TENM3: variants seen among roughly 807,000 people sequenced by gnomAD.
The protein encoded by TENM3 is teneurin transmembrane protein 3, also known as teneurin-3.
TENM3 carries 63 observed loss-of-function variants against 255.1 expected under a neutral mutation model. The ratio of observed to expected loss-of-function variants is 0.25; its 90% CI spans 0.20 to 0.30. The LOEUF is 0.30. TENM3 is among the 10% of genes least tolerant of loss of function. The pLI, the probability that TENM3 is intolerant of heterozygous loss-of-function variation, is 1.00. For missense variants in TENM3, 2,929 were observed against 3,461.1 expected (o/e 0.85, Z 3.86); for synonymous variants, 1,306 against 1,322.3 (o/e 0.99, Z 0.27).
intron 3 of TENM3, among the ~76,000 whole-genome samples, chr4:182,468,802 A>G (rs1732830024): frequency 6.9e-6 from 1 of 144,728 alleles, no homozygotes; most frequent in Non-Finnish European, 1.5e-5. Context: ...AGTAAATTGA[A>G]AATAAAAAAA....
chr4:182,556,267 C>T (rs539489633), intron 3 of TENM3, among the ~76,000 whole-genome samples: 1 of 152,320 alleles, frequency 6.6e-6, no homozygotes, highest in African/African-American at 2.4e-5. Context: ...GCAATGCACA[C>T]AGGCACTGCT....
chr4:181,773,707 T>C, the TENM3 span, among the ~76,000 whole-genome samples: 2 of 152,158 alleles, frequency 1.3e-5, no homozygotes, highest in Non-Finnish European at 2.9e-5. Context: ...TGTTTAAAAT[T>C]TGTGTGTGTG....
chr4:182,422,147 G>A (rs1317997711), intron 3 of TENM3, among the ~76,000 whole-genome samples: 2 of 152,056 alleles, frequency 1.3e-5, no homozygotes, highest in African/African-American at 2.4e-5. Flanking sequence ...CTGAAGCCAC[G>A]CAAATTCGTA....
At chr4:182,185,591 C>T (rs966451165) in intron 1 of TENM3, among the ~76,000 whole-genome samples, 6 of 152,174 alleles carry the variant, frequency 3.9e-5, no homozygotes, top group Non-Finnish European at 4.4e-5. Flanking sequence ...ACAGAGAGTG[C>T]GTCAGTTACA....
the TENM3 span, among the ~76,000 whole-genome samples, chr4:181,830,904 C>T: frequency 6.6e-6 from 1 of 152,172 alleles, no homozygotes; most frequent in Admixed American, 6.5e-5. Flanking sequence ...TTCAGAATGA[C>T]TCTTCCCTAA....
intron 1 of TENM3, among the ~76,000 whole-genome samples, chr4:182,319,671 T>C (rs1243844013): frequency 2.0e-5 from 3 of 152,258 alleles, no homozygotes; most frequent in Admixed American, 1.3e-4. Context: ...TAGTTGGTAT[T>C]GATTTATAAA....
intron 3 of TENM3, among the ~76,000 whole-genome samples, chr4:182,407,207 A>C (rs1769642589): frequency 6.6e-6 from 1 of 152,188 alleles, no homozygotes; most frequent in Non-Finnish European, 1.5e-5. Context: ...TCTTCACATA[A>C]AATAAAATCA....
the TENM3 span, among the ~76,000 whole-genome samples, chr4:182,038,979 C>T: frequency 1.3e-4 from 20 of 152,022 alleles, no homozygotes; most frequent in African/African-American, 4.1e-4. Flanking sequence ...GTGATCCACC[C>T]GCCCCGGCCT....
the TENM3 span, among the ~76,000 whole-genome samples, chr4:181,577,590 G>T: frequency 6.6e-6 from 1 of 152,044 alleles, no homozygotes; most frequent in Non-Finnish European, 1.5e-5. Context: ...CTTGAAACTT[G>T]TCTCCATCCC....
chr4:181,740,174 T>C, the TENM3 span, among the ~76,000 whole-genome samples: 1 of 152,200 alleles, frequency 6.6e-6, no homozygotes, highest in Admixed American at 6.5e-5. Context: ...TGGCATGATC[T>C]AGGTGGTTTA....
chr4:182,600,898 T>G, intron 3 of TENM3, 26 bp from the exon 4 acceptor site: 1 of 59,680 alleles, frequency 1.7e-5, no homozygotes, highest in Non-Finnish European at 3.0e-5. Context: ...GTTCTCTTTC[T>G]TTTTTTTTTT....
chr4:182,080,251 A>G, the TENM3 span, among the ~76,000 whole-genome samples: 1 of 152,182 alleles, frequency 6.6e-6, no homozygotes, highest in Non-Finnish European at 1.5e-5. Context: ...GGAGCTGTAA[A>G]ATATCGTACC....
At chr4:181,645,991 C>A in the TENM3 span, among the ~76,000 whole-genome samples, 1 of 152,246 alleles carries the variant, frequency 6.6e-6, no homozygotes, top group Non-Finnish European at 1.5e-5. Context: ...AGCTTCCATG[C>A]ACATACCCAA....
intron 19 of TENM3, among the ~76,000 whole-genome samples, chr4:182,748,685 C>G (rs747370016): frequency 3.3e-5 from 5 of 152,118 alleles, no homozygotes; most frequent in African/African-American, 4.8e-5. Flanking sequence ...AGACCAGCAT[C>G]TAACAACCAG....
chr4:182,758,779 T>A (rs977728579), intron 22 of TENM3, among the ~76,000 whole-genome samples: 1 of 152,012 alleles, frequency 6.6e-6, no homozygotes, highest in African/African-American at 2.4e-5. Context: ...AACGAGATTG[T>A]GAAAAAAAAT....
intron 3 of TENM3, among the ~76,000 whole-genome samples, chr4:182,536,088 G>A (rs918176765): frequency 1.3e-5 from 2 of 152,162 alleles, no homozygotes; most frequent in Non-Finnish European, 2.9e-5. Flanking sequence ...CAAATATGGT[G>A]TATTTTTATT....
the TENM3 span, among the ~76,000 whole-genome samples, chr4:181,539,777 C>T: frequency 3.2e-4 from 49 of 152,032 alleles, no homozygotes; most frequent in Non-Finnish European, 6.0e-4. Context: ...CAAAAATGAA[C>T]ATGAGTTAGT....
intron 22 of TENM3, among the ~76,000 whole-genome samples, chr4:182,755,590 G>T (rs1308709181): frequency 6.6e-6 from 1 of 152,112 alleles, no homozygotes; most frequent in African/African-American, 2.4e-5. Context: ...TGTAATCCCA[G>T]CACTTTGGGA....
At chr4:182,177,370 G>A (rs1032392574) in intron 1 of TENM3, among the ~76,000 whole-genome samples, 1 of 152,022 alleles carries the variant, frequency 6.6e-6, no homozygotes, top group Non-Finnish European at 1.5e-5. Flanking sequence ...CTGCATTGGA[G>A]TTCCTGCTTA....
Sources: gnomAD v4.1 joint callset for allele counts (sites outside exome capture counted in the v4.1 genomes callset) on GRCh38, gnomAD v4.1.1 for gene constraint, MANE v1.5 for transcripts, NCBI Gene and HGNC (gene_info 2026-07-23, HGNC 2026-07-21) for gene names.